The following PHLPP1 variants were observed in gnomAD, a reference collection of about 807,000 sequenced individuals.
PHLPP1 encodes the protein PH domain and leucine rich repeat protein phosphatase 1.
A neutral mutation model predicts 117.2 loss-of-function variants in PHLPP1; 42 were observed. That is an observed-to-expected ratio of 0.36 (90% CI 0.28 to 0.46). PHLPP1 has a LOEUF of 0.46. PHLPP1 is among the 20% of genes least tolerant of loss of function. The pLI, the probability that PHLPP1 is intolerant of heterozygous loss-of-function variation, is 1.00. For synonymous variants in PHLPP1, 1,042 were observed against 970.7 expected (o/e 1.07, Z -1.37); for missense variants, 2,084 against 2,241.9 (o/e 0.93, Z 1.42).
At chr18:62,751,301 G>A (rs769528676) in intron 1 of PHLPP1, among the ~76,000 whole-genome samples, 3 of 152,190 alleles carry the variant, frequency 2.0e-5, no homozygotes, top group Non-Finnish European at 4.4e-5. Context: ...TGTCCGAACT[G>A]TCTCTAAAAC....
chr18:62,766,304 G>A (rs1234258325), intron 1 of PHLPP1, among the ~76,000 whole-genome samples: 1 of 150,806 alleles, frequency 6.6e-6, no homozygotes, highest in East Asian at 2.0e-4. Flanking sequence ...TTCTGGTTTC[G>A]TGTTTGCATG....
intron 4 of PHLPP1, among the ~76,000 whole-genome samples, chr18:62,890,423 G>A (rs1242618582): frequency 1.3e-5 from 2 of 151,718 alleles, no homozygotes; most frequent in African/African-American, 4.8e-5. Context: ...CCGCCACCAC[G>A]CTCGGCTAAT....
At chr18:62,774,214 C>T (rs185581689) in intron 1 of PHLPP1, among the ~76,000 whole-genome samples, 16 of 152,200 alleles carry the variant, frequency 1.1e-4, no homozygotes, top group South Asian at 4.1e-4. Flanking sequence ...TATGTGGTCC[C>T]GGACAGTTTT....
chr18:62,790,501 CAT>C (rs1913425723), intron 1 of PHLPP1, among the ~76,000 whole-genome samples: 2 of 152,144 alleles, frequency 1.3e-5, no homozygotes, highest in Non-Finnish European at 2.9e-5. Flanking sequence ...TGAAGTAAAA[CAT>C]ATTGCCAAAA....
chr18:62,977,687 C>T (rs1381049863), intron 16 of PHLPP1, among the ~76,000 whole-genome samples: 1 of 152,214 alleles, frequency 6.6e-6, no homozygotes, highest in Non-Finnish European at 1.5e-5. Context: ...ACTTTCAAGT[C>T]CTCTCTGGAC....
chr18:62,799,803 G>T (rs1322903821), intron 1 of PHLPP1, among the ~76,000 whole-genome samples: 3 of 152,074 alleles, frequency 2.0e-5, no homozygotes, highest in Non-Finnish European at 4.4e-5. Context: ...GGGCCTTACT[G>T]CTTATAAACA....
intron 1 of PHLPP1, among the ~76,000 whole-genome samples, chr18:62,784,149 G>A (rs1216114566): frequency 6.6e-6 from 1 of 152,172 alleles, no homozygotes; most frequent in Non-Finnish European, 1.5e-5. Context: ...GGCAGACAGT[G>A]GGGTATGTCT....
At chr18:62,944,132 C>T (rs1186477657) in intron 11 of PHLPP1, among the ~76,000 whole-genome samples, 2 of 150,832 alleles carry the variant, frequency 1.3e-5, no homozygotes, top group South Asian at 2.2e-4. Context: ...AGAAACAATA[C>T]CAAAAAATGT....
At chr18:62,975,033 G>A (rs986764419) in intron 15 of PHLPP1, among the ~76,000 whole-genome samples, 3 of 152,202 alleles carry the variant, frequency 2.0e-5, no homozygotes, top group Non-Finnish European at 4.4e-5. Context: ...AGCAGATGGA[G>A]AAAGAAGTCA....
At chr18:62,733,412 G>A (rs112745107) in intron 1 of PHLPP1, among the ~76,000 whole-genome samples, 181 of 152,238 alleles carry the variant, frequency 1.2e-3, no homozygotes, top group African/African-American at 3.8e-3. Flanking sequence ...AGACTATACC[G>A]TGTAAACATA....
At chr18:62,808,868 C>G (rs1914032720) in intron 1 of PHLPP1, among the ~76,000 whole-genome samples, 1 of 152,008 alleles carries the variant, frequency 6.6e-6, no homozygotes, top group South Asian at 2.1e-4. Context: ...ATTTGTATCT[C>G]ATGTGATTCC....
At chr18:62,810,811 T>C (rs565274197) in intron 1 of PHLPP1, among the ~76,000 whole-genome samples, 19 of 152,290 alleles carry the variant, frequency 1.2e-4, no homozygotes, top group Admixed American at 1.2e-3. Context: ...TAATTAAAAA[T>C]AAAAACGTTG....
At position 62,882,194 on chromosome 18, in the gene PHLPP1, G is replaced by A. The variant is rs184516779; in HGVS notation, c.2067-12817G>A. On this transcript the variant is annotated intron_variant, in intron 4 of 16. Transcript: ENST00000262719. ...AAGCCAAAGAAGCACCACACGAAAG[G>A]AATTGGAATTTGAGGAGTTCATGGA... Among the ~76,000 whole-genome samples the A allele has an allele frequency of 4.6e-3, 697 of 152,074 alleles. 6 individuals carry two copies. The highest frequency in any genetic ancestry group is 0.016 in the African/African-American group (656 of 41,476).
rs552589866 is a variant in PHLPP1 at position 62,734,121 on chromosome 18, C to CT, written c.1576+16870dup. ...TACACTGAGGGACATTCTTGTATTT[C>CT]TTTTTTTTAAGGCCTATGAGGTTTT... On this transcript the variant is annotated intron_variant, in intron 1 of 16. Transcript: ENST00000262719. Among the ~76,000 whole-genome samples the CT allele has an allele frequency of 1.1e-4, 17 of 151,836 alleles. No individual in the cohort carries two copies. In the South Asian group the frequency reaches 1.7e-3, roughly 15 times the overall value.
At chr18:62,753,655 G>A (rs2144238809) in intron 1 of PHLPP1, among the ~76,000 whole-genome samples, 1 of 152,186 alleles carries the variant, frequency 6.6e-6, no homozygotes, top group South Asian at 2.1e-4. Flanking sequence ...ACAGGAGCAT[G>A]CCCTGTCCAT....
chr18:62,813,111 T>G (rs1384646552), intron 1 of PHLPP1, among the ~76,000 whole-genome samples: 3 of 152,222 alleles, frequency 2.0e-5, no homozygotes, highest in Non-Finnish European at 4.4e-5. Flanking sequence ...AAATTTCAAA[T>G]ATGTTTTGCC....
chr18:62,920,250 C>G, intron 10 of PHLPP1, 136 bp downstream of exon 10: 1 of 881,990 alleles, frequency 1.1e-6, no homozygotes, highest in South Asian at 1.6e-5. Context: ...ATAGTTTTGC[C>G]AGCCACTTTA....
At chr18:62,961,425 G>A (rs1035632034) in intron 13 of PHLPP1, among the ~76,000 whole-genome samples, 1 of 152,186 alleles carries the variant, frequency 6.6e-6, no homozygotes, top group African/African-American at 2.4e-5. Flanking sequence ...TTGTGTGCTG[G>A]GGAGAGGGGG....
At chr18:62,781,413 G>A (rs755470866) in intron 1 of PHLPP1, among the ~76,000 whole-genome samples, 1 of 152,140 alleles carries the variant, frequency 6.6e-6, no homozygotes, top group South Asian at 2.1e-4. Flanking sequence ...TTCATCTTAC[G>A]TGTTTGGAAA....
Sources: allele counts gnomAD v4.1 joint callset (sites outside exome capture counted in the v4.1 genomes callset), GRCh38; gene constraint gnomAD v4.1.1; transcripts MANE v1.5; gene names NCBI Gene and HGNC (gene_info 2026-07-23, HGNC 2026-07-21).